SLC38A9: variants seen among roughly 807,000 people sequenced by gnomAD.
SLC38A9 encodes solute carrier family 38 member 9.
A neutral mutation model predicts 62.3 loss-of-function variants in SLC38A9; 48 were observed. That is an observed-to-expected ratio of 0.77 (90% confidence interval 0.61 to 0.98). SLC38A9 has a LOEUF of 0.98. Ranked by LOEUF, SLC38A9 falls within the 50% of genes least tolerant of loss-of-function variation. The pLI, the probability that SLC38A9 is intolerant of heterozygous loss-of-function variation, is 0.00. For missense variants in SLC38A9, 541 were observed against 679.8 expected, an observed-to-expected ratio of 0.80 and a Z score of 2.27; for synonymous variants, 204 against 227.7, an observed-to-expected ratio of 0.90 and a Z score of 0.94.
At chr5:55,664,928 G>T in intron 7 of SLC38A9, 65 bp from the exon 8 acceptor site, 1 of 1,146,688 alleles carries the variant, frequency 8.7e-7, no homozygotes, top group Non-Finnish European at 1.2e-6. Context: ...CATAATTTGT[G>T]TTCCCCAAAT....
At chr5:55,709,934 T>C (rs1274870795) in intron 2 of SLC38A9, among the ~76,000 whole-genome samples, 1 of 151,286 alleles carries the variant, frequency 6.6e-6, no homozygotes, top group Non-Finnish European at 1.5e-5. Context: ...CCGGGTATGG[T>C]GGCGTGTGCC....
At position 55,664,674 on chromosome 5, in the gene SLC38A9, A is replaced by C. The variant is rs761295520; in HGVS notation, c.697+19T>G. 10 of 1,369,214 alleles carry C rather than the reference A, an allele frequency of 7.3e-6. No individual in the cohort carries two copies. The African/African-American group carries it at 1.5e-4, about 20-fold the overall frequency. 84.8% of individuals were successfully genotyped at this position (1,369,214 alleles called of 1,614,324 possible). A position where few individuals can be genotyped will look rare whatever the true frequency, so the allele number is the denominator to read the frequency against. On this transcript the variant is annotated intron_variant, in intron 8 of 15. Transcript: ENST00000396865. ...TATTTGAAAGTACTGTGTTAAAAGC[A>C]TATGATATAGATACTTACTAAAAAT...
chr5:55,672,633 T>G lies in SLC38A9; in HGVS notation c.176A>C (p.Asp59Ala). ...NVNHVIQRVS[D>A]HASAMNKRIH... ...TCTCTTGTTCATGGCAGAGGCATGG[T>G]CACTAACCCTCTGAATGACATGATT... Residue 59 changes from aspartate to alanine, a missense_variant, in exon 4 of 16, where the codon GAC becomes GCC. Coordinates refer to ENST00000396865, the MANE Select transcript of SLC38A9 (RefSeq NM_173514.4). 6.2e-7 allele frequency: 1 copy of G among 1,614,142 alleles called. No homozygotes were observed. Among genetic ancestry groups the G allele is most frequent in the Non-Finnish European group, 8.5e-7 (1 of 1,180,020 alleles).
chr5:55,627,356 T>C (rs544360585), intron 15 of SLC38A9, among the ~76,000 whole-genome samples: 4 of 152,226 alleles, frequency 2.6e-5, no homozygotes, highest in African/African-American at 9.6e-5. Flanking sequence ...CCATGAGAAT[T>C]TGAGGTACAA....
chr5:55,662,719 G>A (rs1047576389), intron 8 of SLC38A9, among the ~76,000 whole-genome samples: 4 of 149,602 alleles, frequency 2.7e-5, no homozygotes, highest in African/African-American at 9.8e-5. Context: ...AATAGTGTAT[G>A]TTGCTCATAT....
chr5:55,675,069 C>T (rs1751890334), intron 3 of SLC38A9, among the ~76,000 whole-genome samples: 1 of 152,176 alleles, frequency 6.6e-6, no homozygotes, highest in Admixed American at 6.5e-5. Context: ...CCAAAAGAGA[C>T]TGATAAATAT....
At chr5:55,678,890 C>T (rs1752618712) in intron 3 of SLC38A9, among the ~76,000 whole-genome samples, 1 of 151,670 alleles carries the variant, frequency 6.6e-6, no homozygotes, top group African/African-American at 2.4e-5. Context: ...TAACTCCTGG[C>T]CTCAAGTAAT....
At position 55,626,440 on chromosome 5, in the gene SLC38A9, G is replaced by T; in HGVS notation, c.*54C>A. ...TTTACAAGTGAATTTATATAGAACT[G>T]TTGTCAAGGCTCAAAATATCATGAG... is the stretch of plus-strand genomic sequence containing the variant. On this transcript the variant is annotated 3_prime_UTR_variant, in exon 16 of 16. Transcript: ENST00000396865. The T allele has an allele frequency of 1.4e-6, 2 of 1,440,388 alleles. No individual in the cohort carries two copies. Among genetic ancestry groups the T allele is most frequent in the South Asian group, 1.3e-5 (1 of 79,446 alleles). 89.2% of individuals were successfully genotyped at this position (1,440,388 alleles called of 1,614,324 possible).
At chr5:55,672,446 T>A in intron 4 of SLC38A9, 117 bp downstream of exon 4, 3 of 1,153,610 alleles carry the variant, frequency 2.6e-6, no homozygotes, top group Non-Finnish European at 3.7e-6. Context: ...CTTTGCATGA[T>A]GCTGTCCTTG....
At chr5:55,653,942 C>A (rs529565129) in intron 9 of SLC38A9, among the ~76,000 whole-genome samples, 1 of 152,294 alleles carries the variant, frequency 6.6e-6, no homozygotes, top group South Asian at 2.1e-4. Flanking sequence ...TAGGCCTGAG[C>A]CACCGCACTG....
chr5:55,644,049 C>T (rs1409218015), intron 12 of SLC38A9, among the ~76,000 whole-genome samples: 2 of 152,138 alleles, frequency 1.3e-5, no homozygotes, highest in Non-Finnish European at 2.9e-5. Context: ...CAACCTCCAC[C>T]CCTTGGGTTC....
chr5:55,642,169 C>T (rs2150109611), intron 12 of SLC38A9, among the ~76,000 whole-genome samples: 1 of 152,312 alleles, frequency 6.6e-6, no homozygotes, highest in African/African-American at 2.4e-5. Context: ...CCTCAGCCTC[C>T]TGAGTAGTGG....
In SLC38A9 at chr5:55,669,566, G is replaced by GC; in HGVS notation, c.422dup (p.Ile142HisfsTer41). 1 of 1,607,648 alleles carries GC rather than the reference G, an allele frequency of 6.2e-7. No homozygotes were observed. Among genetic ancestry groups the GC allele is most frequent in the Non-Finnish European group, 8.5e-7 (1 of 1,176,602 alleles). On this transcript the variant is annotated frameshift_variant, in exon 6 of 16. Coordinates refer to ENST00000396865, the MANE Select transcript of SLC38A9 (RefSeq NM_173514.4). LOFTEE classifies it high-confidence loss of function. ...GAAAAATTAGTATTACCTGTTTTATGCCCCAAGGAATGCTTAGTATAGATG... is the reference window on the plus strand; with the variant it reads ...GAAAAATTAGTATTACCTGTTTTATGCCCCCAAGGAATGCTTAGTATAGATG...
intron 3 of SLC38A9, among the ~76,000 whole-genome samples, chr5:55,681,554 G>A (rs779694034): frequency 3.3e-5 from 5 of 152,182 alleles, no homozygotes; most frequent in Non-Finnish European, 7.3e-5. Flanking sequence ...TTGCTTCAGG[G>A]TTTAGGAGAG....
At chr5:55,670,366 C>CAA (rs35636688) in intron 4 of SLC38A9, among the ~76,000 whole-genome samples, 90,606 of 151,568 alleles carry the variant, frequency 0.6, 27,644 homozygotes, top group South Asian at 0.7. Context: ...ACTAAAAAAG[C>CAA]AAGTTTTAAA....
intron 6 of SLC38A9, 69 bp downstream of exon 6, chr5:55,669,488 C>T: frequency 7.0e-7 from 1 of 1,424,296 alleles, no homozygotes; most frequent in Non-Finnish European, 9.7e-7. Flanking sequence ...ATTAAAACCT[C>T]TGTTATAAAA....
At chr5:55,627,093 A>G (rs557779560) in intron 15 of SLC38A9, among the ~76,000 whole-genome samples, 1 of 152,320 alleles carries the variant, frequency 6.6e-6, no homozygotes, top group East Asian at 1.9e-4. Flanking sequence ...ATTACGAAAG[A>G]TAATAACAAA....
intron 4 of SLC38A9, among the ~76,000 whole-genome samples, chr5:55,672,134 G>A (rs1751430864): frequency 6.6e-6 from 1 of 152,164 alleles, no homozygotes; most frequent in Non-Finnish European, 1.5e-5. Context: ...TTACAGGAGT[G>A]AGTCACTGTG....
intron 4 of SLC38A9, 101 bp downstream of exon 4, chr5:55,672,462 C>T (rs1751475722): frequency 7.5e-7 from 1 of 1,332,362 alleles, no homozygotes; most frequent in Non-Finnish European, 1.0e-6. Flanking sequence ...CCTTGAAATA[C>T]AGTCAGAAAG....
Sources: gnomAD v4.1 joint callset for allele counts (sites outside exome capture counted in the v4.1 genomes callset) on GRCh38, gnomAD v4.1.1 for gene constraint, MANE v1.5 for transcripts, NCBI Gene and HGNC (gene_info 2026-07-23, HGNC 2026-07-21) for gene names.